Variants in CSMD1 observed in about 807,000 individuals in gnomAD.
The protein encoded by CSMD1 is CUB and Sushi multiple domains 1, also known as CUB and sushi domain-containing protein 1.
Under a neutral mutation model 417.5 loss-of-function variants are expected in CSMD1, and 213 were observed. That is an observed-to-expected ratio of 0.51 (90% confidence interval 0.46 to 0.57). The LOEUF (loss-of-function observed/expected upper bound fraction) is 0.57. CSMD1 is among the 20% of genes least tolerant of loss of function. The pLI is 0.00. For synonymous variants in CSMD1, 2,862 were observed against 1,736.8 expected (o/e 1.65, Z -16.11); for missense variants, 6,923 against 4,529.7 (o/e 1.53, Z -15.17).
intron 10 of CSMD1, among the ~76,000 whole-genome samples, chr8:3,507,351 A>T (rs73501593): frequency 0.17 from 25,526 of 152,128 alleles, 3,228 homozygotes; most frequent in East Asian, 0.35. Flanking sequence ...TTTTTATGGC[A>T]GCACAGTATT....
chr8:4,312,923 G>A (rs1798711957), intron 3 of CSMD1, among the ~76,000 whole-genome samples: 1 of 152,106 alleles, frequency 6.6e-6, no homozygotes, highest in South Asian at 2.1e-4. Flanking sequence ...AACACTGATT[G>A]GCATAAATAA....
chr8:4,253,738 G>T (rs752774373), intron 3 of CSMD1, among the ~76,000 whole-genome samples: 1 of 150,000 alleles, frequency 6.7e-6, no homozygotes. Context: ...CAATTTTCTG[G>T]TTGTTCAATT....
At chr8:3,824,070 T>G (rs557650900) in intron 5 of CSMD1, among the ~76,000 whole-genome samples, 1 of 152,158 alleles carries the variant, frequency 6.6e-6, no homozygotes, top group African/African-American at 2.4e-5. Flanking sequence ...TCCTGGTGAT[T>G]TGTAGAAAAC....
chr8:3,054,380 G>A (rs1479159772), intron 49 of CSMD1, among the ~76,000 whole-genome samples: 1 of 152,206 alleles, frequency 6.6e-6, no homozygotes. Context: ...CACTTTGGGA[G>A]GCTGAGGCGG....
chr8:4,342,205 CTGTGTGTGTGTG>C (rs58235838), intron 3 of CSMD1, among the ~76,000 whole-genome samples: 2 of 150,530 alleles, frequency 1.3e-5, no homozygotes, highest in Non-Finnish European at 3.0e-5. Context: ...AGTGCTGTGT[CTGTGTGTGTGTG>C]TGTGTGTGTG....
intron 1 of CSMD1, among the ~76,000 whole-genome samples, chr8:4,969,654 C>T (rs1480697196): frequency 6.6e-6 from 1 of 151,900 alleles, no homozygotes; most frequent in Non-Finnish European, 1.5e-5. Flanking sequence ...CATTTTGAGC[C>T]CATTGATTTC....
chr8:3,197,456 CAAAT>C, intron 33 of CSMD1, among the ~76,000 whole-genome samples: 1 of 137,532 alleles, frequency 7.3e-6, no homozygotes, highest in South Asian at 2.4e-4. Context: ...TAATATAGCT[CAAAT>C]AATTTTTTTT....
At chr8:4,323,526 G>C (rs1467307226) in intron 3 of CSMD1, among the ~76,000 whole-genome samples, 2 of 152,072 alleles carry the variant, frequency 1.3e-5, no homozygotes, top group Admixed American at 6.6e-5. Flanking sequence ...CTGGCATAAG[G>C]ATCCTGACCA....
chr8:3,825,296 G>A (rs1175734589), intron 5 of CSMD1, among the ~76,000 whole-genome samples: 5 of 152,220 alleles, frequency 3.3e-5, no homozygotes, highest in South Asian at 2.1e-4. Flanking sequence ...TTGGGAGACC[G>A]CGACAGGTGG....
At chr8:4,716,591 T>C (rs956572271) in intron 1 of CSMD1, among the ~76,000 whole-genome samples, 1 of 152,224 alleles carries the variant, frequency 6.6e-6, no homozygotes, top group Non-Finnish European at 1.5e-5. Context: ...TATATTCTTA[T>C]AGAAATGAGT....
At chr8:4,583,065 C>T (rs944122533) in intron 2 of CSMD1, among the ~76,000 whole-genome samples, 18 of 152,304 alleles carry the variant, frequency 1.2e-4, no homozygotes, top group East Asian at 3.9e-4. Context: ...TGCCTTCCCG[C>T]GGGGCAGGGC....
intron 6 of CSMD1, among the ~76,000 whole-genome samples, chr8:3,751,242 C>T (rs1217917053): frequency 6.6e-6 from 1 of 151,422 alleles, no homozygotes; most frequent in South Asian, 2.1e-4. Flanking sequence ...TACCTTTTGA[C>T]CGTTTTAGAA....
chr8:4,830,590 A>T (rs773112009), intron 1 of CSMD1, among the ~76,000 whole-genome samples: 1 of 152,240 alleles, frequency 6.6e-6, no homozygotes, highest in Non-Finnish European at 1.5e-5. Context: ...GATAGATGAC[A>T]AACACATAGA....
chr8:4,011,770 A>T lies in CSMD1; in HGVS notation c.611-13660T>A, dbSNP rs374812116. On this transcript the variant is annotated intron_variant, in intron 4 of 69. Transcript: ENST00000635120. ...TTTTCTCCCAGTGGTTACATCTTATACAAGTGTAGTATAATATTAAAACCA... is the reference window on the plus strand; with the variant it reads ...TTTTCTCCCAGTGGTTACATCTTATTCAAGTGTAGTATAATATTAAAACCA... Among the ~76,000 whole-genome samples, 34 of 152,304 alleles carry T rather than the reference A, an allele frequency of 2.2e-4. No homozygotes were observed. In the East Asian group the frequency reaches 5.6e-3, roughly 25 times the overall value.
intron 5 of CSMD1, among the ~76,000 whole-genome samples, chr8:3,889,035 T>C (rs182019041): frequency 6.6e-6 from 1 of 152,284 alleles, no homozygotes; most frequent in East Asian, 1.9e-4. Flanking sequence ...TGCCATTTCA[T>C]ACAATTCTTA....
chr8:4,056,909 C>T (rs1030876675), intron 3 of CSMD1, among the ~76,000 whole-genome samples: 1 of 152,148 alleles, frequency 6.6e-6, no homozygotes, highest in Non-Finnish European at 1.5e-5. Flanking sequence ...AGTATATGTG[C>T]CACACTTTCT....
chr8:4,484,037 AT>A (rs1318725172), intron 2 of CSMD1, among the ~76,000 whole-genome samples: 1 of 152,074 alleles, frequency 6.6e-6, no homozygotes, highest in African/African-American at 2.4e-5. Context: ...TGCATTAGAC[AT>A]TTCTTAGTCT....
chr8:4,196,704 A>G (rs1014773157), intron 3 of CSMD1, among the ~76,000 whole-genome samples: 2 of 152,148 alleles, frequency 1.3e-5, no homozygotes, highest in South Asian at 4.1e-4. Flanking sequence ...TCACATAGCT[A>G]GAATAGGTCC....
chr8:3,373,251 G>A (rs1810086707), intron 18 of CSMD1: 2 of 152,112 alleles, frequency 1.3e-5, no homozygotes, highest in South Asian at 4.1e-4. Context: ...GGAAAAATCT[G>A]GGAGGGAATG....
Sources: allele counts gnomAD v4.1 joint callset (sites outside exome capture counted in the v4.1 genomes callset), GRCh38; gene constraint gnomAD v4.1.1; transcripts MANE v1.5; gene names NCBI Gene and HGNC (gene_info 2026-07-23, HGNC 2026-07-21).